Variants in IL6R observed in about 807,000 individuals in gnomAD.
IL6R encodes interleukin 6 receptor, also known as interleukin-6 receptor subunit alpha.
A neutral mutation model predicts 48.3 loss-of-function variants in IL6R; 38 were observed. That is an observed-to-expected ratio of 0.79 (90% CI 0.61 to 1.03). The LOEUF (loss-of-function observed/expected upper bound fraction) is 1.03. Ranked by LOEUF, IL6R falls within the 50% of genes least tolerant of loss-of-function variation. The pLI, the probability that IL6R is intolerant of heterozygous loss-of-function variation, is 0.00. For missense variants in IL6R, 534 were observed against 618.3 expected (o/e 0.86, Z 1.45); for synonymous variants, 264 against 256.2 (o/e 1.03, Z -0.29).
chr1:154,411,382 A>G (rs543689821), intron 1 of IL6R, among the ~76,000 whole-genome samples: 1 of 152,322 alleles, frequency 6.6e-6, no homozygotes, highest in East Asian at 1.9e-4. Flanking sequence ...TCAAGAGAAG[A>G]TGCTGATAAG....
Position 154,429,446 on chromosome 1 carries a change from T to A in IL6R, c.334+2T>A. The A allele has an allele frequency of 6.2e-7, 1 of 1,606,416 alleles. No homozygotes were observed. Among genetic ancestry groups the A allele is most frequent in the Non-Finnish European group, 8.5e-7 (1 of 1,173,866 alleles). On this transcript the variant is annotated splice_donor_variant, in intron 2 of 9. Transcript: ENST00000368485. LOFTEE classifies it high-confidence loss of function. ...GGACTGTGCACTTGCTGGTGGATGG[T>A]GAGTTGTGCCTCAGAGGTCCCGGAG...
At chr1:154,447,476 T>TACACACACAC (rs1230551409) in intron 6 of IL6R, among the ~76,000 whole-genome samples, 3 of 68,820 alleles carry the variant, frequency 4.4e-5, no homozygotes, top group African/African-American at 5.6e-5. Flanking sequence ...TATATATATA[T>TACACACACAC]ACACACACAC....
rs2149235561 is a variant in IL6R, at chr1:154,429,325, G to A, written c.215G>A (p.Ser72Asn). The change falls in exon 2 of 10, where the codon AGC becomes AAC. Residue 72 changes from serine (S) to asparagine (N), a missense_variant. Coordinates refer to ENST00000368485, the MANE Select transcript of IL6R (RefSeq NM_000565.4). ...LRKPAAGSHP[S>N]RWAGMGRRLL... ...AAGCCGGCTGCAGGCTCCCACCCCA[G>A]CAGATGGGCTGGCATGGGAAGGAGG... is the stretch of plus-strand genomic sequence containing the variant. 1 of 1,614,160 alleles carries A rather than the reference G, an allele frequency of 6.2e-7. No homozygotes were observed. The highest frequency in any genetic ancestry group is 8.5e-7 in the Non-Finnish European group (1 of 1,180,030).
At chr1:154,439,113 T>A (rs1316769832) in intron 6 of IL6R, among the ~76,000 whole-genome samples, 1 of 152,018 alleles carries the variant, frequency 6.6e-6, no homozygotes, top group East Asian at 1.9e-4. Context: ...GGGGGAAAAA[T>A]CAGCTCTAAC....
chr1:154,446,218 G>C (rs930086617), intron 6 of IL6R, among the ~76,000 whole-genome samples: 25 of 152,172 alleles, frequency 1.6e-4, no homozygotes, highest in Non-Finnish European at 3.1e-4. Context: ...ATGAATTCTA[G>C]GTTCAATTCA....
intron 9 of IL6R, among the ~76,000 whole-genome samples, chr1:154,456,521 A>G (rs975032576): frequency 6.6e-6 from 1 of 152,082 alleles, no homozygotes; most frequent in Non-Finnish European, 1.5e-5. Context: ...GATATATTTT[A>G]GAGGTAGAAT....
Position 154,469,256 on chromosome 1 carries a change from G to A in IL6R, c.*3876G>A, listed in dbSNP as rs1220889428. 2 of 152,152 alleles carry A rather than the reference G, an allele frequency of 1.3e-5. No individual in the cohort carries two copies. Among genetic ancestry groups the A allele is most frequent in the East Asian group, 1.9e-4 (1 of 5,202 alleles). 9.4% of individuals were successfully genotyped at this position (152,152 alleles called of 1,614,324 possible). ...GTTAAATAGAATACCTCAACTCTAC[G>A]TTGTTTTCTTGGAGATAAATAATAG... On this transcript the variant is annotated 3_prime_UTR_variant, in exon 10 of 10. Coordinates refer to ENST00000368485, the MANE Select transcript of IL6R (RefSeq NM_000565.4).
chr1:154,454,821 A>G (rs1690785169), intron 9 of IL6R, among the ~76,000 whole-genome samples: 1 of 152,340 alleles, frequency 6.6e-6, no homozygotes, highest in South Asian at 2.1e-4. Flanking sequence ...CGAAGAGGTA[A>G]TCACTACTGT....
At chr1:154,447,684 GTTTTT>G (rs1553309749) in intron 6 of IL6R, among the ~76,000 whole-genome samples, 2 of 126,338 alleles carry the variant, frequency 1.6e-5, no homozygotes, top group African/African-American at 2.8e-5. Context: ...CCAGCATGCT[GTTTTT>G]TGTTTTGTTT....
chr1:154,460,400 C>T (rs879720744), intron 9 of IL6R, among the ~76,000 whole-genome samples: 6 of 136,638 alleles, frequency 4.4e-5, no homozygotes, highest in Admixed American at 8.3e-5. Flanking sequence ...GGAAAGCTCA[C>T]CTTTCTTTGT....
chr1:154,458,189 T>C (rs917412879), intron 9 of IL6R, among the ~76,000 whole-genome samples: 39 of 151,986 alleles, frequency 2.6e-4, no homozygotes, highest in Admixed American at 4.6e-4. Context: ...CCAGGATGGT[T>C]TCGATCTCCT....
intron 6 of IL6R, among the ~76,000 whole-genome samples, chr1:154,444,706 G>A (rs145288537): frequency 3.9e-5 from 6 of 152,022 alleles, no homozygotes; most frequent in South Asian, 2.1e-4. Context: ...GAGACCAGCC[G>A]GGCACCATAA....
chr1:154,462,092 C>T (rs1189938723), intron 9 of IL6R, among the ~76,000 whole-genome samples: 1 of 152,216 alleles, frequency 6.6e-6, no homozygotes, highest in Admixed American at 6.5e-5. Context: ...GGCCAAAGTG[C>T]AGCCTGATTA....
intron 1 of IL6R, among the ~76,000 whole-genome samples, chr1:154,411,245 G>C (rs1688003035): frequency 6.6e-6 from 1 of 152,090 alleles, no homozygotes; most frequent in Non-Finnish European, 1.5e-5. Flanking sequence ...TTTTAGTAGA[G>C]ATGGGGTTTC....
intron 9 of IL6R, among the ~76,000 whole-genome samples, 156 bp downstream of exon 9, chr1:154,454,737 G>A (rs1257346017): frequency 6.6e-6 from 1 of 152,128 alleles, no homozygotes; most frequent in East Asian, 1.9e-4. Context: ...CTACTATTAT[G>A]CCAAGCCGTG....
chr1:154,436,770 C>T (rs938764146), intron 6 of IL6R, among the ~76,000 whole-genome samples: 4 of 152,108 alleles, frequency 2.6e-5, no homozygotes, highest in African/African-American at 4.8e-5. Flanking sequence ...AGAAGTTAGC[C>T]GTATTTAATC....
chr1:154,417,987 T>C (rs1688449407), intron 1 of IL6R, among the ~76,000 whole-genome samples: 1 of 151,990 alleles, frequency 6.6e-6, no homozygotes, highest in African/African-American at 2.4e-5. Context: ...ACCTTCTCTG[T>C]CTCCCAAAGT....
chr1:154,409,751 T>G (rs1553303075), intron 1 of IL6R, among the ~76,000 whole-genome samples: 1 of 152,138 alleles, frequency 6.6e-6, no homozygotes, highest in Non-Finnish European at 1.5e-5. Flanking sequence ...CAGGCTTAGT[T>G]GAGTTTCATT....
chr1:154,441,943 TTG>T (rs1196771193), intron 6 of IL6R, among the ~76,000 whole-genome samples: 1 of 152,218 alleles, frequency 6.6e-6, no homozygotes, highest in Non-Finnish European at 1.5e-5. Context: ...CAGAGAGTTT[TTG>T]TGAGTCTGAT....
Sources: gnomAD v4.1 joint callset for allele counts (sites outside exome capture counted in the v4.1 genomes callset) on GRCh38, gnomAD v4.1.1 for gene constraint, MANE v1.5 for transcripts, NCBI Gene and HGNC (gene_info 2026-07-23, HGNC 2026-07-21) for gene names.